UPP2: variants seen among roughly 807,000 people sequenced by gnomAD.
The protein encoded by UPP2 is uridine phosphorylase 2.
Under a neutral mutation model 26.7 loss-of-function variants are expected in UPP2, and 23 were observed. The ratio of observed to expected loss-of-function variants is 0.86; its 90% CI spans 0.62 to 1.22. UPP2 has a LOEUF of 1.22. Ranked by LOEUF, UPP2 falls within the 50% of genes most tolerant of loss-of-function variation. The pLI is 0.00. For missense variants in UPP2, 387 were observed against 396.7 expected (o/e 0.98, Z 0.21); for synonymous variants, 127 against 141.3 (o/e 0.90, Z 0.72).
rs1683903442 is a variant in UPP2, at chr2:158,135,043, T to G, written c.*153T>G. 18 of 942,208 alleles carry G rather than the reference T, an allele frequency of 1.9e-5. No individual in the cohort carries two copies. The highest frequency in any genetic ancestry group is 2.6e-5 in the Non-Finnish European group (18 of 690,250). 58.4% of individuals were successfully genotyped at this position (942,208 alleles called of 1,614,324 possible). ...AAATCCTTCTCTCTTAAAAAGGAAT[T>G]TATTGTAAAAGAATACTCACACTAA... On this transcript the variant is annotated 3_prime_UTR_variant, in exon 7 of 7. Coordinates refer to ENST00000005756, the MANE Select transcript of UPP2 (RefSeq NM_173355.4).
At chr2:158,070,367 G>C (rs1435047907) in intron 3 of UPP2, among the ~76,000 whole-genome samples, 1 of 152,174 alleles carries the variant, frequency 6.6e-6, no homozygotes, top group Non-Finnish European at 1.5e-5. Flanking sequence ...CCAGAAATCA[G>C]AGACGTGTTT....
At chr2:158,083,237 C>T in intron 3 of UPP2, among the ~76,000 whole-genome samples, 1 of 152,126 alleles carries the variant, frequency 6.6e-6, no homozygotes, top group Admixed American at 6.5e-5. Context: ...AATCATTCTA[C>T]TATAAAGACA....
intron 3 of UPP2, among the ~76,000 whole-genome samples, chr2:158,029,450 C>T (rs1161367917): frequency 6.6e-6 from 1 of 152,204 alleles, no homozygotes; most frequent in African/African-American, 2.4e-5. Flanking sequence ...CATCTGGCTG[C>T]CATGCAGATA....
intron 3 of UPP2, among the ~76,000 whole-genome samples, chr2:158,080,667 T>C (rs192512066): frequency 1.8e-3 from 269 of 152,298 alleles, no homozygotes; most frequent in African/African-American, 3.8e-3. Flanking sequence ...AAATCAAAAC[T>C]GGCCAAACGT....
chr2:158,060,511 T>G (rs553680835), intron 3 of UPP2, among the ~76,000 whole-genome samples: 1 of 152,294 alleles, frequency 6.6e-6, no homozygotes, highest in Non-Finnish European at 1.5e-5. Flanking sequence ...CTCAAAAATT[T>G]CTTGCTGATG....
At chr2:158,114,807 C>G (rs939117263) in intron 2 of UPP2, among the ~76,000 whole-genome samples, 4 of 152,166 alleles carry the variant, frequency 2.6e-5, no homozygotes, top group Admixed American at 2.6e-4. Flanking sequence ...ATTTAAGATG[C>G]TGGTTGGTGT....
At chr2:158,100,849 T>C (rs1346196239), upstream of UPP2, among the ~76,000 whole-genome samples, 2 of 152,208 alleles carry the variant, frequency 1.3e-5, no homozygotes, top group Non-Finnish European at 2.9e-5. Context: ...CCTATTCTTT[T>C]TCCTTCCTAT....
intron 2 of UPP2, among the ~76,000 whole-genome samples, chr2:158,005,714 T>C (rs185887668): frequency 3.3e-5 from 5 of 152,328 alleles, no homozygotes; most frequent in African/African-American, 9.6e-5. Flanking sequence ...AAAACTTTAC[T>C]AAGTGCCAAT....
At chr2:158,117,737 C>T in intron 3 of UPP2, 87 bp from the exon 4 acceptor site, 2 of 1,020,532 alleles carry the variant, frequency 2.0e-6, no homozygotes, top group Non-Finnish European at 3.0e-6. Flanking sequence ...TATCTGAGGC[C>T]TGTTAACTTG....
chr2:158,117,884 C>G lies in UPP2; in HGVS notation c.400C>G (p.His134Asp), dbSNP rs762412789. 2 of 1,613,284 alleles carry G rather than the reference C, an allele frequency of 1.2e-6. No homozygotes were observed. The highest frequency in any genetic ancestry group is 1.7e-5 in the Admixed American group (1 of 59,984). Residue 134 changes from histidine to aspartate, a missense_variant, in exon 4 of 7, where the codon CAT (histidine) becomes GAT (aspartate). His to Asp is a moderately conservative substitution (Grantham distance 81, BLOSUM62 -1). Coordinates refer to ENST00000005756, the MANE Select transcript of UPP2 (RefSeq NM_173355.4). The part of the protein sequence containing the change: ...MLHELIKLLH[H>D]ARCCDVTIIR... ...TCATGAACTCATCAAATTACTCCAC[C>G]ATGCACGGTGCTGCGATGTCACCAT...
chr2:158,062,518 T>C (rs1682368260), intron 3 of UPP2, among the ~76,000 whole-genome samples: 2 of 82,072 alleles, frequency 2.4e-5, no homozygotes. Context: ...AAACATGCTA[T>C]TAAACCCTGC....
At chr2:158,131,285 T>C (rs1163195641) in intron 6 of UPP2, among the ~76,000 whole-genome samples, 1 of 152,174 alleles carries the variant, frequency 6.6e-6, no homozygotes, top group Non-Finnish European at 1.5e-5. Context: ...TGCTGTGCAA[T>C]GGGCATTTGT....
intron 2 of UPP2, among the ~76,000 whole-genome samples, chr2:158,012,149 C>G (rs918452572): frequency 1.3e-5 from 2 of 151,564 alleles, no homozygotes; most frequent in African/African-American, 4.9e-5. Context: ...TACATGTAAG[C>G]CTTTTAAAAA....
At chr2:158,085,478 T>A (rs1309882977) in intron 3 of UPP2, among the ~76,000 whole-genome samples, 1 of 152,186 alleles carries the variant, frequency 6.6e-6, no homozygotes, top group Non-Finnish European at 1.5e-5. Flanking sequence ...GTTTACTGAT[T>A]TGGATGCCCT....
intron 3 of UPP2, among the ~76,000 whole-genome samples, chr2:158,054,428 G>A (rs1682215535): frequency 1.3e-5 from 2 of 149,718 alleles, no homozygotes; most frequent in South Asian, 2.1e-4. Context: ...AGAGAAAGAA[G>A]GAAGTGAGAG....
intron 2 of UPP2, among the ~76,000 whole-genome samples, chr2:157,997,603 G>C (rs1683340830): frequency 6.6e-6 from 1 of 152,138 alleles, no homozygotes. Flanking sequence ...TGCCACCATG[G>C]TCTCTAATTC....
rs139454668 is a variant in UPP2 at position 158,085,562 on chromosome 2, G to A, written c.148-16478G>A. 3.7e-3 allele frequency among the ~76,000 whole-genome samples: 563 copies of A among 152,202 alleles called. 5 individuals carry two copies. The highest frequency in any genetic ancestry group is 0.013 in the African/African-American group (543 of 41,548). On this transcript the variant is annotated intron_variant, in intron 3 of 9. Coordinates refer to the UPP2 transcript ENST00000605860. ...CGTTGAATAGAAGTGGTGAGAGAGG[G>A]CATTCTTGTGTTTTGCCAGTTCTCA...
intron 3 of UPP2, among the ~76,000 whole-genome samples, chr2:158,022,929 A>T (rs1156842838): frequency 6.6e-6 from 1 of 152,190 alleles, no homozygotes; most frequent in East Asian, 1.9e-4. Context: ...ACAGGTTAAG[A>T]ACTGAGCTGA....
intron 5 of UPP2, among the ~76,000 whole-genome samples, chr2:158,122,207 A>G (rs13409464): frequency 0.02 from 3,051 of 150,234 alleles, 111 homozygotes; most frequent in African/African-American, 0.069. Context: ...CAGACCCCCG[A>G]TTCTTTCTCG....
Sources: allele counts gnomAD v4.1 joint callset (sites outside exome capture counted in the v4.1 genomes callset), GRCh38; gene constraint gnomAD v4.1.1; transcripts MANE v1.5; gene names NCBI Gene and HGNC (gene_info 2026-07-23, HGNC 2026-07-21).